Variants in FAT1 observed in about 807,000 individuals in gnomAD.
FAT1 encodes the protein FAT atypical cadherin 1.
A neutral mutation model predicts 329.8 loss-of-function variants in FAT1; 171 were observed. The observed-to-expected ratio is 0.52, with a 90% CI of 0.46 to 0.59. FAT1 has a LOEUF of 0.59. FAT1 is among the 20% of genes least tolerant of loss of function. The pLI is 0.00. For synonymous variants in FAT1, 2,233 were observed against 2,228.6 expected, an observed-to-expected ratio of 1.00 and a Z score of -0.06; for missense variants, 5,672 against 5,774.4, an observed-to-expected ratio of 0.98 and a Z score of 0.57.
chr4:186,606,110 G>A lies in FAT1; in HGVS notation c.10310C>T (p.Ala3437Val), dbSNP rs754008095. 3.3e-5 allele frequency: 54 copies of A among 1,613,208 alleles called. No individual in the cohort carries two copies. The highest frequency in any genetic ancestry group is 7.7e-5 in the South Asian group (7 of 90,932). Residue 3437 changes from alanine (A) to valine (V), a missense_variant, in exon 17 of 27, where the codon GCG (alanine) becomes GTG (valine). Ala to Val is a moderately conservative substitution (Grantham distance 64, BLOSUM62 0). Around this residue, in one of 2 missense-constraint regions of FAT1, gnomAD observed 1,706 missense variants for 1,859.1 expected, o/e 0.92. Transcript: ENST00000441802. ...NIDVSDVNDN[A>V]PVFSRGNYSV... The stretch of plus-strand genomic sequence containing the variant: ...GTAGTTTCCCCTGGAGAAGACGGGC[G>A]CGTTGTCATTGACATCGGACACATC...
At position 186,663,410 on chromosome 4, in the gene FAT1, A is replaced by T. The variant is rs1363407975; in HGVS notation, c.3469T>A (p.Ser1157Thr). The T allele has an allele frequency of 6.2e-7, 1 of 1,614,044 alleles. No individual in the cohort carries two copies. Among genetic ancestry groups the T allele is most frequent in the Admixed American group, 1.7e-5 (1 of 60,024 alleles). Reference protein sequence around the residue: ...EIMENSPKDVSVVQIEAFDPD... With the variant: ...EIMENSPKDVTVVQIEAFDPD... The stretch of plus-strand genomic sequence containing the variant: ...TCAAATGCCTCGATCTGGACCACAG[A>T]TACATCTTTAGGAGAATTTTCCATG... The change falls in exon 3 of 27, where the codon TCT (serine) becomes ACT (threonine). Residue 1157 changes from serine (S) to threonine (T), a missense_variant. Transcript: ENST00000441802.
Position 186,601,279 on chromosome 4 carries a change from C to G in FAT1, c.11630G>C (p.Ser3877Thr), listed in dbSNP as rs1738802091. The change falls in exon 21 of 27, where the codon AGC becomes ACC. Residue 3877 changes from serine (S) to threonine (T), a missense_variant. Coordinates refer to ENST00000441802, the MANE Select transcript of FAT1 (RefSeq NM_005245.4). ...VVMYARGTDY[S>T]ILEIHHGRLQ... ...TGTGGAGAAACATACCTCCAAGATGCTATAGTCAGTTCCTCGAGCATACAT... is the reference window on the plus strand; with the variant it reads ...TGTGGAGAAACATACCTCCAAGATGGTATAGTCAGTTCCTCGAGCATACAT... The G allele has an allele frequency of 6.3e-7, 1 of 1,594,400 alleles. No individual in the cohort carries two copies. Among genetic ancestry groups the G allele is most frequent in the Non-Finnish European group, 8.6e-7 (1 of 1,164,764 alleles).
chr4:186,643,219 G>A (rs1179793445), intron 3 of FAT1, among the ~76,000 whole-genome samples: 9 of 152,120 alleles, frequency 5.9e-5, no homozygotes, highest in Non-Finnish European at 1.0e-4. Flanking sequence ...GATGGAGAAC[G>A]CGCTCCCCAC....
rs753693029 is a variant in FAT1, at chr4:186,595,764, G to A, written c.13063C>T (p.Pro4355Ser). Residue 4355 changes from proline to serine, a missense_variant, in exon 26 of 27, where the codon CCA becomes TCA. Around this residue, in one of 2 missense-constraint regions of FAT1, gnomAD observed 1,706 missense variants for 1,859.1 expected, o/e 0.92. Coordinates refer to ENST00000441802, the MANE Select transcript of FAT1 (RefSeq NM_005245.4). Reference sequence around the variant, plus strand: ...GACAGGCTTTCCCGGGCACTGTATGGCTGGGAAGGCTTTTCCTCTAGAGGC... The same window carrying A: ...GACAGGCTTTCCCGGGCACTGTATGACTGGGAAGGCTTTTCCTCTAGAGGC... ...KKPLEEKPSQPYSARESLSEV... is the reference protein window; with the variant it reads ...KKPLEEKPSQSYSARESLSEV... The A allele has an allele frequency of 6.2e-7, 1 of 1,613,858 alleles. No homozygotes were observed. The highest frequency in any genetic ancestry group is 1.3e-5 in the African/African-American group (1 of 75,026).
chr4:186,596,857 A>C lies in FAT1; in HGVS notation c.12683T>G (p.Leu4228Trp). 6.2e-7 allele frequency: 1 copy of C among 1,614,000 alleles called. No individual in the cohort carries two copies. Among genetic ancestry groups the C allele is most frequent in the South Asian group, 1.1e-5 (1 of 91,082 alleles). The part of the protein sequence containing the change: ...DKHLGPATAF[L>W]QRPYFDSKLN... Reference sequence around the variant, plus strand: ...CTTGGAATCAAAATACGGTCTTTGCAAGAAAGCCGTAGCGGGTCCCAGGTG... The same window carrying C: ...CTTGGAATCAAAATACGGTCTTTGCCAGAAAGCCGTAGCGGGTCCCAGGTG... The change falls in exon 25 of 27, where the codon TTG becomes TGG. Residue 4228 changes from leucine to tryptophan, a missense_variant. Physicochemically the swap from Leu to Trp is moderately conservative, Grantham distance 61 (BLOSUM62 -2). Transcript: ENST00000441802. This position sits in a 1 kb window ranked among gnomAD's most constrained non-coding sequence, Gnocchi z 4.7.
At chr4:186,679,034 C>T (rs1270495769) in intron 2 of FAT1, among the ~76,000 whole-genome samples, 1 of 151,964 alleles carries the variant, frequency 6.6e-6, no homozygotes, top group African/African-American at 2.4e-5. Context: ...ATTACATGTG[C>T]CCTGTAATTT....
At chr4:186,604,947 G>A (rs1221142445) in intron 17 of FAT1, among the ~76,000 whole-genome samples, 6 of 151,880 alleles carry the variant, frequency 4.0e-5, no homozygotes, top group Non-Finnish European at 8.8e-5. Context: ...GGCCAGGCGC[G>A]GTGGCTCACG....
chr4:186,604,628 T>A, intron 17 of FAT1, 54 bp from the exon 18 acceptor site: 1 of 1,197,476 alleles, frequency 8.4e-7, no homozygotes, highest in Non-Finnish European at 1.2e-6. Flanking sequence ...CAGCCAAATC[T>A]ATATGGGACA....
chr4:186,621,722 C>T lies in FAT1; in HGVS notation c.4864G>A (p.Ala1622Thr), dbSNP rs2126527999. Residue 1622 changes from alanine to threonine, a missense_variant, in exon 10 of 27, where the codon GCC becomes ACC. Ala to Thr is a moderately conservative substitution (Grantham distance 58, BLOSUM62 0). Transcript: ENST00000441802. ...TGGTTACTTCGATCTAATTCTTTGG[C>T]AGTTTTAATAGAGCCCAAGACAGGA... Reference protein sequence around the residue: ...IDPVLGSIKTAKELDRSNQAE... With the variant: ...IDPVLGSIKTTKELDRSNQAE... The T allele has an allele frequency of 6.2e-7, 1 of 1,612,036 alleles. No individual in the cohort carries two copies.
chr4:186,594,222 C>T (rs1041235058), intron 26 of FAT1, among the ~76,000 whole-genome samples: 4 of 151,994 alleles, frequency 2.6e-5, no homozygotes, highest in South Asian at 2.1e-4. Context: ...CCCACCACCA[C>T]GCCCGGCTGA....
chr4:186,628,098 G>A (rs766549563), intron 9 of FAT1, 56 bp downstream of exon 9: 1 of 1,555,166 alleles, frequency 6.4e-7, no homozygotes, highest in South Asian at 1.2e-5. Context: ...TGGAAAAGTA[G>A]AAACAGACTT....
intron 18 of FAT1, among the ~76,000 whole-genome samples, 152 bp from the exon 19 acceptor site, chr4:186,604,129 A>C (rs1386669322): frequency 6.6e-6 from 1 of 152,168 alleles, no homozygotes; most frequent in Non-Finnish European, 1.5e-5. Flanking sequence ...AAAAGGACAA[A>C]TTTCTTTATA....
Position 186,603,456 on chromosome 4 carries a change from T to G in FAT1, c.11070A>C (p.Pro3690=), listed in dbSNP as rs777077662. 6 of 1,613,876 alleles carry G rather than the reference T, an allele frequency of 3.7e-6. No homozygotes were observed. In the African/African-American group the frequency reaches 8.0e-5, roughly 22 times the overall value. Residue 3690 remains proline, a synonymous_variant, in exon 19 of 27, where the codon CCA becomes CCC. Coordinates refer to ENST00000441802, the MANE Select transcript of FAT1 (RefSeq NM_005245.4). ...CTACAAAAAGTAAGACGTCCAGATG[T>G]GGGTGAGGTTCAGAGGACTGCAAAC... is the stretch of plus-strand genomic sequence containing the variant. The part of the protein sequence containing the change: ...IVSLQSSEPH[P]HLDVLLFVEK...
rs2126700193 is a variant in FAT1 at position 186,708,932 on chromosome 4, A to T, written c.896T>A (p.Leu299His). The T allele has an allele frequency of 6.2e-7, 1 of 1,614,016 alleles. No homozygotes were observed. Among genetic ancestry groups the T allele is most frequent in the Non-Finnish European group, 8.5e-7 (1 of 1,179,882 alleles). Reference protein sequence around the residue: ...IASLSIVAGDLLQQFRTVRSF... With the variant: ...IASLSIVAGDHLQQFRTVRSF... Reference sequence around the variant, plus strand: ...CCTCACTGTTCTAAACTGCTGGAGAAGGTCACCTGCCACGATGCTTAAAGA... The same window carrying T: ...CCTCACTGTTCTAAACTGCTGGAGATGGTCACCTGCCACGATGCTTAAAGA... The change falls in exon 2 of 27, where the codon CTT becomes CAT. Residue 299 changes from leucine to histidine, a missense_variant. Leu to His is a moderately conservative substitution (Grantham distance 99, BLOSUM62 -3). Around this residue, in one of 2 missense-constraint regions of FAT1, gnomAD observed 3,966 missense variants for 3,915.2 expected, o/e 1.01. Transcript: ENST00000441802.
chr4:186,694,977 C>G (rs1262521052), intron 2 of FAT1, among the ~76,000 whole-genome samples: 3 of 151,980 alleles, frequency 2.0e-5, no homozygotes, highest in Non-Finnish European at 4.4e-5. Context: ...AAAAACAAAA[C>G]AAAACAAAAA....
rs1229239278 is a variant in FAT1 at position 186,707,383 on chromosome 4, G to A, written c.2445C>T (p.Ala815=). The change falls in exon 2 of 27, where the codon GCC becomes GCT. Residue 815 remains alanine, a synonymous_variant. Coordinates refer to ENST00000441802, the MANE Select transcript of FAT1 (RefSeq NM_005245.4). ...GTAAAAACTCGGGTGGATTATCATTGGCATCGACAACCACGACATGTAGAA... is the reference window on the plus strand; with the variant it reads ...GTAAAAACTCGGGTGGATTATCATTAGCATCGACAACCACGACATGTAGAA... ...WRLLHVVVVD[A]NDNPPEFLQE... is the part of the protein sequence containing the mutation. 6.2e-7 allele frequency: 1 copy of A among 1,613,934 alleles called. No individual in the cohort carries two copies.
At chr4:186,681,407 C>T (rs1033862869) in intron 2 of FAT1, among the ~76,000 whole-genome samples, 3 of 152,078 alleles carry the variant, frequency 2.0e-5, no homozygotes, top group African/African-American at 7.2e-5. Flanking sequence ...AGGTATGACA[C>T]CTTAATCCCT....
Position 186,589,031 on chromosome 4 carries a change from G to A in FAT1, c.13328C>T (p.Pro4443Leu). 1.9e-6 allele frequency: 3 copies of A among 1,613,876 alleles called. No individual in the cohort carries two copies. The highest frequency in any genetic ancestry group is 2.5e-6 in the Non-Finnish European group (3 of 1,179,872). ...TAACGGTGGTAGCTCATCAGCTGCGGGGAAGTCTTCTGGGGGTGGAGGAAA... is the reference window on the plus strand; with the variant it reads ...TAACGGTGGTAGCTCATCAGCTGCGAGGAAGTCTTCTGGGGGTGGAGGAAA... The part of the protein sequence containing the change: ...SDFPPPPEDF[P>L]AADELPPLPP... The change falls in exon 27 of 27, where the codon CCC (proline) becomes CTC (leucine). Residue 4443 changes from proline (P) to leucine (L), a missense_variant. Transcript: ENST00000441802.
chr4:186,609,090 G>A (rs2126456197), intron 16 of FAT1, 93 bp downstream of exon 16: 2 of 1,471,118 alleles, frequency 1.4e-6, no homozygotes, highest in Non-Finnish European at 1.8e-6. Context: ...GGTCAGTCCT[G>A]CTCACACCAC....
Sources: allele counts gnomAD v4.1 joint callset (sites outside exome capture counted in the v4.1 genomes callset), GRCh38; gene constraint gnomAD v4.1.1; regional missense constraint gnomAD v4.1.1; non-coding constraint Gnocchi (gnomAD v3.1); transcripts MANE v1.5; gene names NCBI Gene and HGNC (gene_info 2026-07-23, HGNC 2026-07-21).